PAK2: variants seen among roughly 807,000 people sequenced by gnomAD.
PAK2 encodes p21 (RAC1) activated kinase 2.
In PAK2, 21 loss-of-function variants were observed where a neutral mutation model predicts 65.9. The observed-to-expected ratio is 0.32, with a 90% CI of 0.23 to 0.46. PAK2 has a LOEUF of 0.46. PAK2 is among the 20% of genes least tolerant of loss of function. The pLI is 1.00. For synonymous variants in PAK2, 204 were observed against 219.7 expected (o/e 0.93, Z 0.63); for missense variants, 324 against 642.6 (o/e 0.50, Z 5.36).
Position 196,820,533 on chromosome 3 carries a change from G to A in PAK2, c.1316G>A (p.Gly439Glu). The A allele has an allele frequency of 1.2e-6, 2 of 1,607,982 alleles. No individual in the cohort carries two copies. The highest frequency in any genetic ancestry group is 1.7e-6 in the Non-Finnish European group (2 of 1,176,030). ...LGIMAIEMVE[G>E]EPPYLNENPL... is the part of the protein sequence containing the mutation. Reference sequence around the variant, plus strand: ...ATCATGGCTATTGAGATGGTAGAAGGAGAGCCTCCATACCTCAATGAAAAT... The same window carrying A: ...ATCATGGCTATTGAGATGGTAGAAGAAGAGCCTCCATACCTCAATGAAAAT... Residue 439 changes from glycine (G) to glutamate (E), a missense_variant, in exon 13 of 15, where the codon GGA (glycine) becomes GAA (glutamate). This residue lies in a region of PAK2 where 36 missense variants were observed against 161.5 expected (regional missense o/e 0.22). Transcript: ENST00000327134. This position sits in a 1 kb window ranked among gnomAD's most constrained non-coding sequence, Gnocchi z 4.6.
chr3:196,754,350 C>T (rs117339105), intron 1 of PAK2, among the ~76,000 whole-genome samples: 2,313 of 152,308 alleles, frequency 0.015, 104 homozygotes, highest in Admixed American at 0.097. Flanking sequence ...TGTCCTGTCT[C>T]ATGTGCATTT....
chr3:196,769,548 A>C (rs986906599), intron 1 of PAK2, among the ~76,000 whole-genome samples: 1 of 151,754 alleles, frequency 6.6e-6, no homozygotes, highest in Non-Finnish European at 1.5e-5. Context: ...GTGGTGGCTC[A>C]CGCCTGTAAT....
At chr3:196,812,373 G>A (rs770691065) in intron 9 of PAK2, 106 bp downstream of exon 9, 71 of 764,086 alleles carry the variant, frequency 9.3e-5, no homozygotes, top group East Asian at 2.2e-4. Flanking sequence ...AGTTGAGCCC[G>A]TTGTAAGAAT....
chr3:196,799,334 A>T (rs965419167), intron 2 of PAK2, among the ~76,000 whole-genome samples: 11 of 152,184 alleles, frequency 7.2e-5, no homozygotes, highest in African/African-American at 2.4e-4. Context: ...ATCTGATGAA[A>T]CAGTGTGCGC....
Position 196,830,538 on chromosome 3 carries a change from T to C in PAK2, c.*2133T>C, listed in dbSNP as rs1364033012. On this transcript the variant is annotated 3_prime_UTR_variant, in exon 15 of 15. Coordinates refer to ENST00000327134, the MANE Select transcript of PAK2 (RefSeq NM_002577.4). ...CTCCTAAGTCAAAGACCATCCTCAC[T>C]GACTATGTGCCAACGCCTCGTTTCA... is the stretch of plus-strand genomic sequence containing the variant. 6.6e-6 allele frequency: 1 copy of C among 152,230 alleles called. No individual in the cohort carries two copies. Among genetic ancestry groups the C allele is most frequent in the Non-Finnish European group, 1.5e-5 (1 of 68,038 alleles). 9.4% of individuals were successfully genotyped at this position (152,230 alleles called of 1,614,324 possible). A position where few individuals can be genotyped will look rare whatever the true frequency, so the allele number is the denominator to read the frequency against.
At chr3:196,816,666 A>T (rs577588860) in intron 11 of PAK2, among the ~76,000 whole-genome samples, 65 of 152,186 alleles carry the variant, frequency 4.3e-4, no homozygotes, top group Non-Finnish European at 8.2e-4. Context: ...TTGAATGAAT[A>T]GTAGAAGATT....
intron 1 of PAK2, among the ~76,000 whole-genome samples, chr3:196,752,817 C>T (rs1713647076): frequency 6.8e-6 from 1 of 147,478 alleles, no homozygotes. Flanking sequence ...GTCTCAAACT[C>T]CTGGCCTCAA....
At position 196,827,399 on chromosome 3, in the gene PAK2, C is replaced by T; in HGVS notation, c.1488+66C>T. ...TTTTTGGTAACCGACAGAAAGCTTT[C>T]CTAGGGCTAATAAGTAGATTTCACT... On this transcript the variant is annotated intron_variant, in intron 14 of 14. Coordinates refer to ENST00000327134, the MANE Select transcript of PAK2 (RefSeq NM_002577.4). The T allele has an allele frequency of 1.9e-6, 3 of 1,556,314 alleles. No homozygotes were observed. In the South Asian group the frequency reaches 3.8e-5, roughly 20 times the overall value.
chr3:196,757,095 T>C (rs1713793757), intron 1 of PAK2, among the ~76,000 whole-genome samples: 1 of 152,178 alleles, frequency 6.6e-6, no homozygotes, highest in Admixed American at 6.5e-5. Flanking sequence ...CGATTGGCTA[T>C]TTTAAAGAGA....
chr3:196,801,339 G>C (rs1195309365), intron 2 of PAK2, among the ~76,000 whole-genome samples: 1 of 152,120 alleles, frequency 6.6e-6, no homozygotes. Context: ...TTCTGCCTGT[G>C]CTCTGTTACT....
chr3:196,821,774 A>G (rs1400875788), intron 13 of PAK2, among the ~76,000 whole-genome samples: 1 of 152,218 alleles, frequency 6.6e-6, no homozygotes, highest in Non-Finnish European at 1.5e-5. Context: ...GCTTTGGAAA[A>G]CAACTTGACA....
chr3:196,827,496 C>T (rs376683273), intron 14 of PAK2, 163 bp downstream of exon 14: 29 of 955,732 alleles, frequency 3.0e-5, no homozygotes, highest in East Asian at 2.3e-4. Context: ...AGCAAACTAC[C>T]GCAAGGACAG....
intron 12 of PAK2, among the ~76,000 whole-genome samples, chr3:196,819,483 C>T (rs894836430): frequency 6.6e-6 from 1 of 152,052 alleles, no homozygotes; most frequent in African/African-American, 2.4e-5. Context: ...GGCAGATGTA[C>T]TAATATGGAA....
intron 2 of PAK2, among the ~76,000 whole-genome samples, chr3:196,785,664 A>G (rs1165092207): frequency 6.6e-6 from 1 of 152,222 alleles, no homozygotes; most frequent in Non-Finnish European, 1.5e-5. Context: ...CACACTGCTG[A>G]TAAAGACATA....
At chr3:196,813,430 C>T (rs1435018478) in intron 10 of PAK2, among the ~76,000 whole-genome samples, 1 of 147,572 alleles carries the variant, frequency 6.8e-6, no homozygotes, top group Non-Finnish European at 1.5e-5. Flanking sequence ...TGCACTCCAG[C>T]CTGGGCAATG....
intron 1 of PAK2, among the ~76,000 whole-genome samples, chr3:196,766,902 T>A (rs902879748): frequency 8.2e-5 from 12 of 146,480 alleles, no homozygotes; most frequent in Non-Finnish European, 1.2e-4. Flanking sequence ...GTTCTTCCAT[T>A]TAAAAAAAAA....
chr3:196,808,484 C>T (rs1715659730), intron 7 of PAK2, among the ~76,000 whole-genome samples: 1 of 148,668 alleles, frequency 6.7e-6, no homozygotes, highest in Non-Finnish European at 1.5e-5. Flanking sequence ...TCACTTGAAC[C>T]CGGGAGGCGG....
chr3:196,808,557 C>CAAAAAAAAAAAAAAAAAAAA (rs1208200034), intron 7 of PAK2, among the ~76,000 whole-genome samples: 8 of 56,570 alleles, frequency 1.4e-4, no homozygotes, highest in African/African-American at 5.4e-4. Context: ...GACTCCATCT[C>CAAAAAAAAAAAAAAAAAAAA]AAAAAAAAAA....
intron 1 of PAK2, among the ~76,000 whole-genome samples, chr3:196,754,550 TTGTGA>T (rs1713708153): frequency 6.6e-6 from 1 of 152,166 alleles, no homozygotes. Flanking sequence ...GTTTCTGTCT[TTGTGA>T]GTCTGAACTG....
Sources: allele counts gnomAD v4.1 joint callset (sites outside exome capture counted in the v4.1 genomes callset), GRCh38; gene constraint gnomAD v4.1.1; regional missense constraint gnomAD v4.1.1; non-coding constraint Gnocchi (gnomAD v3.1); transcripts MANE v1.5; gene names NCBI Gene and HGNC (gene_info 2026-07-23, HGNC 2026-07-21).